Variants in OPCML observed in about 807,000 individuals in gnomAD.
OPCML encodes opioid binding protein/cell adhesion molecule like.
Under a neutral mutation model 37.8 loss-of-function variants are expected in OPCML, and 13 were observed. The ratio of observed to expected loss-of-function variants is 0.34; its 90% CI spans 0.22 to 0.55. The LOEUF is 0.55. OPCML is among the 20% of genes least tolerant of loss of function. The probability of loss-of-function intolerance (pLI) is 0.91; values close to 1 mark genes in which losing one functional copy is unlikely to be tolerated. For missense variants in OPCML, 341 were observed against 435.6 expected (o/e 0.78, Z 1.93); for synonymous variants, 176 against 168.8 (o/e 1.04, Z -0.33).
intron 1 of OPCML, among the ~76,000 whole-genome samples, chr11:133,250,062 A>G (rs946100986): frequency 2.0e-5 from 3 of 152,370 alleles, no homozygotes; most frequent in East Asian, 3.9e-4. Flanking sequence ...ACTCAGCTTA[A>G]AGAATATCAT....
intron 1 of OPCML, among the ~76,000 whole-genome samples, chr11:133,081,273 G>A (rs1409866929): frequency 6.6e-6 from 1 of 152,026 alleles, no homozygotes; most frequent in Non-Finnish European, 1.5e-5. Context: ...GTTTCCTTTG[G>A]GATGTCAGCC....
At chr11:133,319,217 T>C (rs1943273842) in intron 1 of OPCML, among the ~76,000 whole-genome samples, 1 of 152,170 alleles carries the variant, frequency 6.6e-6, no homozygotes, top group Non-Finnish European at 1.5e-5. Context: ...AAAATATTCA[T>C]GACACATCAT....
At chr11:133,360,399 C>A (rs1245214219) in intron 1 of OPCML, 1 of 152,204 alleles carries the variant, frequency 6.6e-6, no homozygotes, top group East Asian at 1.9e-4. Flanking sequence ...AATGCAAGGG[C>A]CGACGATGCC....
intron 4 of OPCML, among the ~76,000 whole-genome samples, chr11:132,509,453 T>A (rs1485791107): frequency 6.6e-6 from 1 of 152,124 alleles, no homozygotes; most frequent in Non-Finnish European, 1.5e-5. Context: ...GTCTCCAGGA[T>A]GTCAGAGACC....
chr11:132,732,498 A>G (rs1945112141), intron 2 of OPCML, among the ~76,000 whole-genome samples: 1 of 152,108 alleles, frequency 6.6e-6, no homozygotes, highest in Non-Finnish European at 1.5e-5. Flanking sequence ...ACATCTTGAG[A>G]GAGTGGTCTT....
chr11:132,584,600 G>A (rs761813760), intron 3 of OPCML, among the ~76,000 whole-genome samples: 5 of 152,210 alleles, frequency 3.3e-5, no homozygotes, highest in Non-Finnish European at 7.3e-5. Flanking sequence ...GCTGCTCTCT[G>A]TAAACAGAGA....
At chr11:133,388,340 G>A (rs1945101274) in intron 1 of OPCML, among the ~76,000 whole-genome samples, 1 of 152,142 alleles carries the variant, frequency 6.6e-6, no homozygotes, top group African/African-American at 2.4e-5. Context: ...AGTAAACCTG[G>A]AAAATGTAAA....
chr11:132,684,429 C>A (rs1943080744), intron 2 of OPCML, among the ~76,000 whole-genome samples: 1 of 152,160 alleles, frequency 6.6e-6, no homozygotes, highest in Non-Finnish European at 1.5e-5. Flanking sequence ...CATATTACAT[C>A]ATATGATTCT....
chr11:132,815,772 G>A (rs559151748), intron 2 of OPCML, among the ~76,000 whole-genome samples: 1 of 152,272 alleles, frequency 6.6e-6, no homozygotes, highest in African/African-American at 2.4e-5. Flanking sequence ...ATGTTTATAT[G>A]TTGTGACAAA....
At chr11:132,769,745 C>G (rs556894726) in intron 2 of OPCML, among the ~76,000 whole-genome samples, 3 of 152,162 alleles carry the variant, frequency 2.0e-5, no homozygotes, top group African/African-American at 7.2e-5. Flanking sequence ...GCTTAAAGGT[C>G]GAAGCACCGG....
chr11:132,894,910 G>T (rs928571839), intron 2 of OPCML, among the ~76,000 whole-genome samples: 1 of 152,114 alleles, frequency 6.6e-6, no homozygotes, highest in African/African-American at 2.4e-5. Flanking sequence ...GGCTGTCACA[G>T]GACTTCTCAG....
chr11:133,269,151 AG>A (rs1256720195), intron 1 of OPCML, among the ~76,000 whole-genome samples: 4 of 152,178 alleles, frequency 2.6e-5, no homozygotes, highest in African/African-American at 9.7e-5. Context: ...TATGTCTAAG[AG>A]TGATGCTACA....
chr11:133,311,080 G>GCCT (rs1309954647), intron 1 of OPCML, among the ~76,000 whole-genome samples: 1 of 152,158 alleles, frequency 6.6e-6, no homozygotes, highest in African/African-American at 2.4e-5. Flanking sequence ...GTGTCATTTA[G>GCCT]TAGGATATTG....
chr11:132,722,446 A>G (rs559948348), intron 2 of OPCML, among the ~76,000 whole-genome samples: 1 of 152,258 alleles, frequency 6.6e-6, no homozygotes, highest in South Asian at 2.1e-4. Flanking sequence ...AGAGATAAGA[A>G]CATGAGTTAT....
At chr11:132,765,085 A>G (rs1037590805) in intron 2 of OPCML, among the ~76,000 whole-genome samples, 1 of 152,190 alleles carries the variant, frequency 6.6e-6, no homozygotes, top group African/African-American at 2.4e-5. Flanking sequence ...CCTCTCCCCA[A>G]GAAAGGCCAC....
At chr11:133,289,388 G>C (rs1172696562) in intron 1 of OPCML, among the ~76,000 whole-genome samples, 1 of 150,822 alleles carries the variant, frequency 6.6e-6, no homozygotes, top group Admixed American at 6.6e-5. Flanking sequence ...GAGGTCAGGA[G>C]ATCGAGACCA....
chr11:133,019,937 T>G (rs750086866), intron 1 of OPCML, among the ~76,000 whole-genome samples: 72 of 152,198 alleles, frequency 4.7e-4, no homozygotes, highest in Non-Finnish European at 2.2e-4. Context: ...AGTGCACACA[T>G]GCACATGCTG....
intron 1 of OPCML, among the ~76,000 whole-genome samples, chr11:133,021,011 C>T (rs1947440800): frequency 6.6e-6 from 1 of 152,166 alleles, no homozygotes; most frequent in Non-Finnish European, 1.5e-5. Flanking sequence ...GACACACATG[C>T]ACCCTGGCTC....
intron 2 of OPCML, among the ~76,000 whole-genome samples, chr11:132,803,703 G>A (rs552768072): frequency 6.6e-6 from 1 of 152,180 alleles, no homozygotes. Flanking sequence ...AGGTAGCATA[G>A]TATAGTTGTT....
Sources: gnomAD v4.1 joint callset for allele counts (sites outside exome capture counted in the v4.1 genomes callset) on GRCh38, gnomAD v4.1.1 for gene constraint, MANE v1.5 for transcripts, NCBI Gene and HGNC (gene_info 2026-07-23, HGNC 2026-07-21) for gene names.